Variants in NKAIN3 observed in about 807,000 individuals in gnomAD.
NKAIN3 encodes sodium/potassium-transporting ATPase subunit beta-1-interacting protein 3.
NKAIN3 carries 25 observed loss-of-function variants against 30.2 expected under a neutral mutation model. That is an observed-to-expected ratio of 0.83 (90% CI 0.60 to 1.16). NKAIN3 has a LOEUF of 1.16. Ranked by LOEUF, NKAIN3 falls within the 50% of genes most tolerant of loss-of-function variation. The pLI is 0.00. For synonymous variants in NKAIN3, 91 were observed against 89.6 expected, an observed-to-expected ratio of 1.02 and a Z score of -0.09; for missense variants, 225 against 254.1, an observed-to-expected ratio of 0.89 and a Z score of 0.78.
At chr8:62,874,033 A>C (rs911665463) in intron 4 of NKAIN3, among the ~76,000 whole-genome samples, 1 of 152,162 alleles carries the variant, frequency 6.6e-6, no homozygotes, top group Non-Finnish European at 1.5e-5. Context: ...CCAAAAAATC[A>C]ACGAATTCAG....
rs145106829 is a variant in NKAIN3, at chr8:62,672,277, A to T, written c.274-74655A>T. Among the ~76,000 whole-genome samples, 106 of 152,280 alleles carry T rather than the reference A, an allele frequency of 7.0e-4. 1 individual carries two copies. The Middle Eastern group carries it at 0.01, about 15-fold the overall frequency. On this transcript the variant is annotated intron_variant, in intron 3 of 6. Transcript: ENST00000623646. ...TGAAGCAACAGAAAGAAGTCATATAATGGCCAGGGAAAACTATTCATTGTG... is the reference window on the plus strand; with the variant it reads ...TGAAGCAACAGAAAGAAGTCATATATTGGCCAGGGAAAACTATTCATTGTG...
chr8:62,329,662 G>A (rs560703101), intron 1 of NKAIN3, among the ~76,000 whole-genome samples: 2 of 152,146 alleles, frequency 1.3e-5, no homozygotes, highest in South Asian at 4.1e-4. Context: ...ACTGCAAAGG[G>A]CATGATTTTG....
At chr8:62,687,234 CAA>C (rs1051594643) in intron 3 of NKAIN3, among the ~76,000 whole-genome samples, 1 of 152,066 alleles carries the variant, frequency 6.6e-6, no homozygotes, top group African/African-American at 2.4e-5. Flanking sequence ...TTTCAACCAG[CAA>C]AAAACAGAAG....
At chr8:62,955,264 A>G (rs1330354827) in intron 6 of NKAIN3, among the ~76,000 whole-genome samples, 1 of 152,200 alleles carries the variant, frequency 6.6e-6, no homozygotes, top group Non-Finnish European at 1.5e-5. Flanking sequence ...AGCAAATCCA[A>G]TTTGGAAAGA....
At chr8:62,762,649 G>T (rs1262951379) in intron 4 of NKAIN3, among the ~76,000 whole-genome samples, 3 of 152,198 alleles carry the variant, frequency 2.0e-5, no homozygotes, top group Non-Finnish European at 4.4e-5. Flanking sequence ...GAAGATGGTA[G>T]ATTGGCTTTG....
chr8:62,800,581 C>A (rs1014895201), intron 4 of NKAIN3, among the ~76,000 whole-genome samples: 3 of 152,200 alleles, frequency 2.0e-5, no homozygotes, highest in Admixed American at 6.5e-5. Context: ...TATAAATTCA[C>A]TACGGAGAAT....
In NKAIN3 at chr8:62,982,632, G is replaced by C. The variant is rs900341990; in HGVS notation, c.*17225G>C. ...ATAGATTTTCAAGATTGTGAGTCCT[G>C]ACATGAGTTCTCTAGAATTTTCCCC... On this transcript the variant is annotated 3_prime_UTR_variant, in exon 7 of 7. Coordinates refer to ENST00000623646, the MANE Select transcript of NKAIN3 (RefSeq NM_001304533.3). 6.6e-6 allele frequency: 1 copy of C among 152,186 alleles called. No individual in the cohort carries two copies. Among genetic ancestry groups the C allele is most frequent in the Non-Finnish European group, 1.5e-5 (1 of 68,036 alleles). The allele number at this position is 152,186 out of a possible 1,614,324, so 9.4% of individuals were successfully genotyped here.
At chr8:62,380,377 A>G (rs934705177) in intron 1 of NKAIN3, among the ~76,000 whole-genome samples, 3 of 152,202 alleles carry the variant, frequency 2.0e-5, no homozygotes, top group Non-Finnish European at 4.4e-5. Flanking sequence ...TCTTGTATAC[A>G]TAATGGGCTT....
chr8:62,349,608 G>C (rs762337688), intron 1 of NKAIN3, among the ~76,000 whole-genome samples: 10 of 152,162 alleles, frequency 6.6e-5, no homozygotes, highest in Non-Finnish European at 1.3e-4. Context: ...GCATATGCAC[G>C]TGGTACAGGC....
chr8:62,638,895 A>AAAAC (rs2130292742), intron 3 of NKAIN3, among the ~76,000 whole-genome samples: 1 of 152,258 alleles, frequency 6.6e-6, no homozygotes, highest in East Asian at 1.9e-4. Flanking sequence ...TCCCAAAGGC[A>AAAAC]ATTCTGGCCT....
intron 4 of NKAIN3, among the ~76,000 whole-genome samples, chr8:62,876,408 T>A (rs1820793840): frequency 1.3e-5 from 2 of 152,188 alleles, no homozygotes; most frequent in Non-Finnish European, 2.9e-5. Flanking sequence ...AGTGTGGTGA[T>A]TCCTCAATGA....
At chr8:62,556,070 CAGAA>C (rs1332608817) in intron 1 of NKAIN3, among the ~76,000 whole-genome samples, 1 of 151,674 alleles carries the variant, frequency 6.6e-6, no homozygotes, top group African/African-American at 2.4e-5. Flanking sequence ...AAATATTTTT[CAGAA>C]AGAAAGTCTG....
intron 3 of NKAIN3, among the ~76,000 whole-genome samples, chr8:62,622,544 G>A (rs1289837511): frequency 6.6e-6 from 1 of 151,944 alleles, no homozygotes; most frequent in Non-Finnish European, 1.5e-5. Flanking sequence ...TAATGATGTT[G>A]AATATCTTTT....
intron 3 of NKAIN3, among the ~76,000 whole-genome samples, chr8:62,660,652 A>C (rs1347255016): frequency 6.6e-6 from 1 of 152,254 alleles, no homozygotes; most frequent in East Asian, 1.9e-4. Context: ...TTGATTCACA[A>C]AGAAAAGAAA....
At chr8:62,570,719 A>G (rs1257961226) in intron 1 of NKAIN3, among the ~76,000 whole-genome samples, 1 of 152,068 alleles carries the variant, frequency 6.6e-6, no homozygotes, top group African/African-American at 2.4e-5. Flanking sequence ...ACAGAGCCAA[A>G]CCATATCATT....
rs1003385800 is a variant in NKAIN3, at chr8:62,803,210, C to A, written c.471+56081C>A. Among the ~76,000 whole-genome samples the A allele has an allele frequency of 2.2e-4, 34 of 152,186 alleles. 1 individual carries two copies. Among genetic ancestry groups the A allele is most frequent in the African/African-American group, 8.2e-4 (34 of 41,518 alleles). On this transcript the variant is annotated intron_variant, in intron 4 of 6. Coordinates refer to ENST00000623646, the MANE Select transcript of NKAIN3 (RefSeq NM_001304533.3). ...GTCAACATTAGACAGATCAATGAGA[C>A]AGAAAGTTAGCAAGGATACCCAGGA...
At chr8:62,619,898 A>G (rs555795549) in intron 3 of NKAIN3, among the ~76,000 whole-genome samples, 2 of 152,284 alleles carry the variant, frequency 1.3e-5, no homozygotes, top group South Asian at 4.1e-4. Context: ...CCTTGAACAG[A>G]AAGAATATGC....
At chr8:62,490,787 G>C (rs1187812056) in intron 1 of NKAIN3, among the ~76,000 whole-genome samples, 1 of 151,800 alleles carries the variant, frequency 6.6e-6, no homozygotes, top group East Asian at 1.9e-4. Flanking sequence ...AAGAATAAGG[G>C]CTTTGAAATA....
At chr8:62,305,738 G>A (rs1367167131) in intron 1 of NKAIN3, among the ~76,000 whole-genome samples, 1 of 150,482 alleles carries the variant, frequency 6.6e-6, no homozygotes, top group East Asian at 1.9e-4. Context: ...AAGAATGGAA[G>A]GTTGGTCTCG....
Sources: gnomAD v4.1 joint callset for allele counts (sites outside exome capture counted in the v4.1 genomes callset) on GRCh38, gnomAD v4.1.1 for gene constraint, MANE v1.5 for transcripts, NCBI Gene and HGNC (gene_info 2026-07-23, HGNC 2026-07-21) for gene names.